Variants in KLF12 observed in about 807,000 individuals in gnomAD.
KLF12 encodes the protein KLF transcription factor 12.
Under a neutral mutation model 37.8 loss-of-function variants are expected in KLF12, and 9 were observed. That is an observed-to-expected ratio of 0.24 (90% CI 0.14 to 0.42). The LOEUF is 0.42. Among genes scored for constraint, KLF12 ranks in the 10% least tolerant of loss-of-function variants. The pLI, the probability that KLF12 is intolerant of heterozygous loss-of-function variation, is 1.00. For synonymous variants in KLF12, 208 were observed against 202.1 expected, an observed-to-expected ratio of 1.03 and a Z score of -0.25; for missense variants, 411 against 516.0, an observed-to-expected ratio of 0.80 and a Z score of 1.97.
the KLF12 span, among the ~76,000 whole-genome samples, chr13:74,260,559 TA>T: frequency 1.1e-5 from 1 of 88,166 alleles, no homozygotes; most frequent in African/African-American, 8.8e-5. Context: ...GTTTCTAAAA[TA>T]AAATAAAATA....
the KLF12 span, among the ~76,000 whole-genome samples, chr13:74,211,887 A>G: frequency 6.6e-6 from 1 of 152,328 alleles, no homozygotes; most frequent in East Asian, 1.9e-4. Flanking sequence ...CTTACATTTA[A>G]AACATAAAAT....
At chr13:73,826,980 C>T (rs1021282736) in intron 4 of KLF12, among the ~76,000 whole-genome samples, 2 of 152,104 alleles carry the variant, frequency 1.3e-5, no homozygotes, top group Admixed American at 6.6e-5. Context: ...TGGGTTTCAC[C>T]ACATTGCCCA....
At chr13:73,909,721 CGTTT>C (rs1377298944) in intron 3 of KLF12, among the ~76,000 whole-genome samples, 8 of 152,266 alleles carry the variant, frequency 5.3e-5, no homozygotes, top group Middle Eastern at 6.8e-3. Context: ...AACAAACTTA[CGTTT>C]GTTTAAAAAC....
chr13:74,070,668 G>T (rs1292573467), intron 1 of KLF12, among the ~76,000 whole-genome samples: 2 of 152,166 alleles, frequency 1.3e-5, no homozygotes, highest in Non-Finnish European at 2.9e-5. Context: ...GACTTACAGA[G>T]ATCTACTGTC....
rs564229219 is a variant in KLF12 at position 74,128,155 on chromosome 13, T to A, written c.-32+5584A>T. Among the ~76,000 whole-genome samples the A allele has an allele frequency of 3.9e-5, 6 of 152,318 alleles. No homozygotes were observed. The East Asian group carries it at 1.2e-3, about 29-fold the overall frequency. ...ACCTGTATTATATAAATGTTAATAA[T>A]CAGTAACTTTTATACCAGCTACGTT... On this transcript the variant is annotated intron_variant, in intron 1 of 7. Transcript: ENST00000377669.
rs777468560 is a variant in KLF12 at position 73,687,026 on chromosome 13, C to T, written c.*8464G>A. On this transcript the variant is annotated 3_prime_UTR_variant, in exon 8 of 8. Transcript: ENST00000377669. ...CCACACACCAAGAACAACGTCTAGA[C>T]TACTACTAATTATAACTAAGTCATT... 2 of 152,458 alleles carry T rather than the reference C, an allele frequency of 1.3e-5. No individual in the cohort carries two copies. The highest frequency in any genetic ancestry group is 4.2e-4 in the South Asian group (2 of 4,818). The allele number at this position is 152,458 out of a possible 1,614,324, so 9.4% of individuals were successfully genotyped here.
At chr13:73,736,998 CTG>C (rs1267504288) in intron 6 of KLF12, among the ~76,000 whole-genome samples, 1 of 152,120 alleles carries the variant, frequency 6.6e-6, no homozygotes, top group African/African-American at 2.4e-5. Context: ...CAAAAATACA[CTG>C]TGGTTCTGAT....
the KLF12 span, among the ~76,000 whole-genome samples, chr13:74,227,777 G>T: frequency 6.6e-6 from 1 of 152,052 alleles, no homozygotes; most frequent in African/African-American, 2.4e-5. Flanking sequence ...TTATATTTAA[G>T]AAAATAATTC....
intron 3 of KLF12, among the ~76,000 whole-genome samples, chr13:73,865,632 G>A (rs1315044259): frequency 6.6e-6 from 1 of 152,088 alleles, no homozygotes; most frequent in African/African-American, 2.4e-5. Flanking sequence ...ACTAAAAGTA[G>A]AGGAATAGAT....
chr13:74,001,962 CT>C (rs1892291829), intron 1 of KLF12, among the ~76,000 whole-genome samples: 1 of 152,144 alleles, frequency 6.6e-6, no homozygotes, highest in South Asian at 2.1e-4. Context: ...GCCAAAGAAA[CT>C]TTTAACAAAG....
At chr13:74,232,441 A>T in the KLF12 span, among the ~76,000 whole-genome samples, 3 of 152,056 alleles carry the variant, frequency 2.0e-5, no homozygotes, top group African/African-American at 7.2e-5. Context: ...ATTCATTCAT[A>T]TATGTTTGTA....
the KLF12 span, among the ~76,000 whole-genome samples, chr13:74,173,143 A>T: frequency 6.6e-6 from 1 of 152,232 alleles, no homozygotes; most frequent in Non-Finnish European, 1.5e-5. Context: ...CTCCCAAATC[A>T]ACTCCAATTC....
At chr13:74,303,037 C>A in the KLF12 span, among the ~76,000 whole-genome samples, 133,903 of 152,118 alleles carry the variant, frequency 0.88, 59,217 homozygotes, top group Middle Eastern at 0.94. Flanking sequence ...TTGAAAATGA[C>A]GCCAAGTGGT....
chr13:73,727,791 G>A (rs1876772828), intron 6 of KLF12, among the ~76,000 whole-genome samples: 1 of 151,518 alleles, frequency 6.6e-6, no homozygotes, highest in Non-Finnish European at 1.5e-5. Context: ...TCCGTCTCCC[G>A]GGTTCAAGTG....
chr13:74,241,855 A>G, the KLF12 span, among the ~76,000 whole-genome samples: 1 of 152,100 alleles, frequency 6.6e-6, no homozygotes, highest in Non-Finnish European at 1.5e-5. Context: ...GGCACTCCGT[A>G]GTGAGATGAA....
At chr13:73,752,848 C>A (rs1197697037) in intron 6 of KLF12, among the ~76,000 whole-genome samples, 1 of 151,840 alleles carries the variant, frequency 6.6e-6, no homozygotes, top group African/African-American at 2.4e-5. Context: ...TCCTAGGTAG[C>A]TGGGATTACA....
intron 1 of KLF12, among the ~76,000 whole-genome samples, chr13:74,019,410 G>A (rs1030580924): frequency 1.3e-5 from 2 of 152,150 alleles, no homozygotes; most frequent in African/African-American, 4.8e-5. Context: ...CTTTGGATAA[G>A]CATATTCATT....
intron 6 of KLF12, among the ~76,000 whole-genome samples, chr13:73,718,836 G>C (rs1360224570): frequency 2.6e-5 from 4 of 152,222 alleles, no homozygotes; most frequent in Non-Finnish European, 4.4e-5. Context: ...GGAGGTTGCA[G>C]TGAGCCAAGA....
chr13:73,991,919 G>GA, intron 2 of KLF12, among the ~76,000 whole-genome samples: 1 of 152,218 alleles, frequency 6.6e-6, no homozygotes, highest in East Asian at 1.9e-4. Context: ...CCATCACTAT[G>GA]AAATAAACCC....
Sources: gnomAD v4.1 joint callset for allele counts (sites outside exome capture counted in the v4.1 genomes callset) on GRCh38, gnomAD v4.1.1 for gene constraint, MANE v1.5 for transcripts, NCBI Gene and HGNC (gene_info 2026-07-23, HGNC 2026-07-21) for gene names.